Variants in ADGRL2 observed in about 807,000 individuals in gnomAD.
ADGRL2 encodes the protein adhesion G protein-coupled receptor L2.
Under a neutral mutation model 157.4 loss-of-function variants are expected in ADGRL2, and 44 were observed. That is an observed-to-expected ratio of 0.28 (90% CI 0.22 to 0.36). The LOEUF is 0.36. Ranked by LOEUF, ADGRL2 falls within the 10% of genes least tolerant of loss-of-function variation. ADGRL2 has a pLI of 1.00. For missense variants in ADGRL2, 1,510 were observed against 1,768.9 expected (o/e 0.85, Z 2.63); for synonymous variants, 585 against 624.7 (o/e 0.94, Z 0.95).
At chr1:81,398,432 A>G (rs1160823829) in intron 1 of ADGRL2, among the ~76,000 whole-genome samples, 1 of 152,016 alleles carries the variant, frequency 6.6e-6, no homozygotes, top group Non-Finnish European at 1.5e-5. Context: ...CTGTAATGAA[A>G]GTATTTGATT....
At chr1:81,370,572 C>T (rs186774929) in intron 1 of ADGRL2, among the ~76,000 whole-genome samples, 2 of 152,178 alleles carry the variant, frequency 1.3e-5, no homozygotes, top group South Asian at 2.1e-4. Context: ...TATAGGCATC[C>T]TAAAAATACT....
intron 1 of ADGRL2, among the ~76,000 whole-genome samples, chr1:81,437,415 G>GA (rs1466703267): frequency 2.6e-5 from 4 of 151,772 alleles, no homozygotes; most frequent in South Asian, 2.1e-4. Flanking sequence ...ATCATCCCAG[G>GA]AAAAAAAAGA....
chr1:81,554,494 CA>C (rs1193133517), intron 2 of ADGRL2, among the ~76,000 whole-genome samples: 2 of 148,526 alleles, frequency 1.3e-5, no homozygotes, highest in South Asian at 2.1e-4. Context: ...TTTTTTTTGG[CA>C]AAAAAAAATT....
chr1:81,531,452 C>G (rs1193082557), intron 2 of ADGRL2, among the ~76,000 whole-genome samples: 1 of 152,154 alleles, frequency 6.6e-6, no homozygotes, highest in Non-Finnish European at 1.5e-5. Context: ...AATCTAGAAA[C>G]TAGCCACATG....
intron 1 of ADGRL2, among the ~76,000 whole-genome samples, chr1:81,812,245 C>T (rs2089950425): frequency 6.6e-6 from 1 of 151,694 alleles, no homozygotes; most frequent in South Asian, 2.1e-4. Flanking sequence ...ATGAAATAAT[C>T]AAAGCAGTAT....
intron 6 of ADGRL2, among the ~76,000 whole-genome samples, chr1:81,945,027 A>AT (rs2148980341): frequency 6.6e-6 from 1 of 152,082 alleles, no homozygotes; most frequent in African/African-American, 2.4e-5. Context: ...TTTTCCCTAA[A>AT]TCAGGTTATG....
At chr1:81,318,995 G>A (rs1341736659) in intron 1 of ADGRL2, among the ~76,000 whole-genome samples, 31 of 127,238 alleles carry the variant, frequency 2.4e-4, no homozygotes, top group African/African-American at 8.6e-4. Context: ...AGGCTGGAGT[G>A]CAATGGAGCG....
intron 17 of ADGRL2, among the ~76,000 whole-genome samples, chr1:81,976,271 A>G (rs1162646316): frequency 2.0e-5 from 3 of 152,008 alleles, no homozygotes; most frequent in African/African-American, 7.2e-5. Context: ...GATTTATGTC[A>G]TATGCTTTAT....
At chr1:81,581,726 C>T (rs1026786387) in intron 3 of ADGRL2, among the ~76,000 whole-genome samples, 2 of 152,072 alleles carry the variant, frequency 1.3e-5, no homozygotes, top group Non-Finnish European at 2.9e-5. Flanking sequence ...AAAGCATTTC[C>T]TTCTGGTTAG....
intron 1 of ADGRL2, among the ~76,000 whole-genome samples, chr1:81,824,335 C>G (rs943624811): frequency 6.6e-6 from 1 of 152,084 alleles, no homozygotes; most frequent in African/African-American, 2.4e-5. Flanking sequence ...AGTACAGTGG[C>G]CTGATCATAG....
chr1:81,956,076 G>A lies in ADGRL2; in HGVS notation c.2017+16G>A, dbSNP rs769844896. 3.9e-6 allele frequency: 6 copies of A among 1,558,324 alleles called. No homozygotes were observed. The highest frequency in any genetic ancestry group is 3.6e-5 in the South Asian group (3 of 82,268). ...GAAAATATTGGTAAGTGAATCTACTGTCAAGTTTAATTTTGATTTAGGATA... is the reference window on the plus strand; with the variant it reads ...GAAAATATTGGTAAGTGAATCTACTATCAAGTTTAATTTTGATTTAGGATA... On this transcript the variant is annotated intron_variant, in intron 11 of 23. Transcript: ENST00000686636.
chr1:81,989,314 T>C (rs765495697), intron 23 of ADGRL2, among the ~76,000 whole-genome samples: 1 of 152,130 alleles, frequency 6.6e-6, no homozygotes, highest in African/African-American at 2.4e-5. Context: ...CTGTGACCCA[T>C]ACTTAAGAAA....
intron 1 of ADGRL2, among the ~76,000 whole-genome samples, chr1:81,334,880 G>A (rs1661522366): frequency 1.3e-5 from 2 of 152,200 alleles, no homozygotes; most frequent in South Asian, 4.1e-4. Context: ...AGAAGCTGAA[G>A]AGCAGGGAAA....
chr1:81,908,076 A>G (rs777975010), intron 3 of ADGRL2, among the ~76,000 whole-genome samples: 23 of 152,210 alleles, frequency 1.5e-4, no homozygotes, highest in Non-Finnish European at 2.8e-4. Context: ...TTAACATTGT[A>G]TTATAATTGC....
chr1:81,692,886 G>A (rs1036210759), intron 3 of ADGRL2, among the ~76,000 whole-genome samples: 4 of 151,978 alleles, frequency 2.6e-5, no homozygotes, highest in Non-Finnish European at 5.9e-5. Flanking sequence ...GATGACACTG[G>A]GCCAATATTC....
intron 17 of ADGRL2, among the ~76,000 whole-genome samples, chr1:81,979,293 G>C (rs1375603712): frequency 6.6e-6 from 1 of 151,740 alleles, no homozygotes; most frequent in African/African-American, 2.4e-5. Context: ...AGAAAAAAAA[G>C]ACTGATGATG....
At chr1:81,950,092 TTGTG>T in intron 6 of ADGRL2, 93 bp from the exon 7 acceptor site, 2 of 931,850 alleles carry the variant, frequency 2.1e-6, no homozygotes, top group South Asian at 1.6e-5. Context: ...GGGTAGGGTT[TTGTG>T]TGTGTGTGTG....
intron 1 of ADGRL2, among the ~76,000 whole-genome samples, chr1:81,701,279 C>T (rs1344297140): frequency 6.6e-6 from 1 of 152,138 alleles, no homozygotes; most frequent in Non-Finnish European, 1.5e-5. Flanking sequence ...ACCATTGATG[C>T]CAGGTCTGGG....
chr1:81,878,431 G>A (rs964677348), intron 2 of ADGRL2, among the ~76,000 whole-genome samples: 3 of 152,202 alleles, frequency 2.0e-5, no homozygotes, highest in South Asian at 2.1e-4. Flanking sequence ...AAAATTATTC[G>A]TTTGAGTTGT....
Sources: allele counts gnomAD v4.1 joint callset (sites outside exome capture counted in the v4.1 genomes callset), GRCh38; gene constraint gnomAD v4.1.1; transcripts MANE v1.5; gene names NCBI Gene and HGNC (gene_info 2026-07-23, HGNC 2026-07-21).